HTT: variants seen among roughly 807,000 people sequenced by gnomAD.
The protein encoded by HTT is huntingtin.
HTT carries 104 observed loss-of-function variants against 362.3 expected under a neutral mutation model. The ratio of observed to expected loss-of-function variants is 0.29; its 90% CI spans 0.24 to 0.34. HTT has a LOEUF of 0.34. HTT is among the 10% of genes least tolerant of loss of function. The probability of loss-of-function intolerance (pLI) is 1.00; values close to 1 mark genes in which losing one functional copy is unlikely to be tolerated. For synonymous variants in HTT, 1,577 were observed against 1,548.7 expected (o/e 1.02, Z -0.43); for missense variants, 3,301 against 3,928.6 (o/e 0.84, Z 4.27).
chr4:3,223,733 A>G (rs763015237), intron 55 of HTT, among the ~76,000 whole-genome samples, 173 bp downstream of exon 55: 1 of 152,226 alleles, frequency 6.6e-6, no homozygotes, highest in Non-Finnish European at 1.5e-5. Context: ...CCTCCTGGTC[A>G]GTGAGAAGCT....
intron 3 of HTT, among the ~76,000 whole-genome samples, chr4:3,103,221 A>AAT (rs1553911624): frequency 9.2e-6 from 1 of 109,070 alleles, no homozygotes; most frequent in Non-Finnish European, 1.8e-5. Flanking sequence ...TATATATATA[A>AAT]TTTTTTTTTT....
In HTT at chr4:3,206,362, A is replaced by C; in HGVS notation, c.5719-134A>C. On this transcript the variant is annotated intron_variant, in intron 42 of 66. Transcript: ENST00000355072. The surrounding 1 kb of genome is among the most constrained non-coding windows in gnomAD (Gnocchi z 4.6). ...CCTCCTCAATTATTTGTGCTCATAC[A>C]CTGTATATTTTTAGTGAGGTTTATA... 1.5e-6 allele frequency: 1 copy of C among 684,016 alleles called. No homozygotes were observed. The highest frequency in any genetic ancestry group is 2.5e-6 in the Non-Finnish European group (1 of 401,776). The allele number at this position is 684,016 out of a possible 1,614,324, so 42.4% of individuals were successfully genotyped here.
chr4:3,213,883 A>C (rs1402116972), intron 49 of HTT, 75 bp from the exon 50 acceptor site: 2 of 1,376,304 alleles, frequency 1.5e-6, no homozygotes, highest in Non-Finnish European at 1.9e-6. Flanking sequence ...GGACGGTTCC[A>C]CAACTGTGAT....
chr4:3,205,505 A>T (rs1203051996), intron 42 of HTT, among the ~76,000 whole-genome samples: 1 of 152,178 alleles, frequency 6.6e-6, no homozygotes, highest in African/African-American at 2.4e-5. Context: ...ATAATTTATA[A>T]TGCTGTTTTT....
At chr4:3,185,088 A>G (rs1238374257) in intron 37 of HTT, among the ~76,000 whole-genome samples, 3 of 152,164 alleles carry the variant, frequency 2.0e-5, no homozygotes, top group African/African-American at 4.8e-5. Context: ...TCCTGAAAGG[A>G]CAGGAGAGAG....
At chr4:3,117,148 A>C (rs2051180496) in intron 8 of HTT, among the ~76,000 whole-genome samples, 1 of 152,202 alleles carries the variant, frequency 6.6e-6, no homozygotes, top group African/African-American at 2.4e-5. Context: ...GACTCTTAAG[A>C]AAGTATTGGG....
chr4:3,148,202 A>G lies in HTT; in HGVS notation c.3493A>G (p.Ile1165Val), dbSNP rs377592444. The part of the protein sequence containing the change: ...VLDDVAPGPA[I>V]KAALPSLTNP... Reference sequence around the variant, plus strand: ...GGATGACGTGGCTCCTGGACCCGCAATAAAGGTAATGTCCCACTTGGGTGC... The same window carrying G: ...GGATGACGTGGCTCCTGGACCCGCAGTAAAGGTAATGTCCCACTTGGGTGC... Residue 1165 changes from isoleucine (I) to valine (V), a missense_variant, in exon 26 of 67, where the codon ATA (isoleucine) becomes GTA (valine). Transcript: ENST00000355072. 7.0e-6 allele frequency: 11 copies of G among 1,567,846 alleles called. No individual in the cohort carries two copies. The Admixed American group carries it at 9.6e-5, about 14-fold the overall frequency.
intron 2 of HTT, among the ~76,000 whole-genome samples, chr4:3,090,522 C>T (rs1713444794): frequency 6.6e-6 from 1 of 152,142 alleles, no homozygotes; most frequent in African/African-American, 2.4e-5. Flanking sequence ...ATAGATCTCC[C>T]ATATATTAGC....
intron 2 of HTT, among the ~76,000 whole-genome samples, chr4:3,094,454 C>G (rs1379056417): frequency 1.3e-5 from 2 of 151,706 alleles, no homozygotes; most frequent in Admixed American, 6.6e-5. Flanking sequence ...GGGGTGGCGG[C>G]CGGGCAGAGG....
intron 10 of HTT, among the ~76,000 whole-genome samples, chr4:3,124,218 C>T (rs774490235): frequency 6.6e-6 from 1 of 152,186 alleles, no homozygotes; most frequent in Non-Finnish European, 1.5e-5. Flanking sequence ...GGACGTGTGA[C>T]TAAGTTACGC....
chr4:3,149,130 T>G (rs1453905901), intron 26 of HTT, among the ~76,000 whole-genome samples: 1 of 152,204 alleles, frequency 6.6e-6, no homozygotes, highest in Admixed American at 6.5e-5. Flanking sequence ...AAATCTTGGT[T>G]AATGGCTACT....
At chr4:3,121,493 A>G in intron 9 of HTT, 61 bp downstream of exon 9, 4 of 1,150,914 alleles carry the variant, frequency 3.5e-6, no homozygotes, top group African/African-American at 1.5e-5. Context: ...GTTACACTCT[A>G]TTGATTATGG....
chr4:3,129,833 G>T, intron 12 of HTT, 91 bp from the exon 13 acceptor site: 1 of 1,461,178 alleles, frequency 6.8e-7, no homozygotes, highest in South Asian at 1.1e-5. Flanking sequence ...TGTGTAAAAT[G>T]TGCTCTTTCC....
chr4:3,171,588 C>T (rs1717978341), intron 29 of HTT, among the ~76,000 whole-genome samples: 1 of 152,026 alleles, frequency 6.6e-6, no homozygotes, highest in South Asian at 2.1e-4. Context: ...AGCGATTCTC[C>T]TGCCTCAGCC....
intron 40 of HTT, 26 bp from the exon 41 acceptor site, chr4:3,199,706 A>T: frequency 6.2e-7 from 1 of 1,605,102 alleles, no homozygotes. Context: ...GAAAGCAAAG[A>T]CATTTCTCCT....
intron 29 of HTT, among the ~76,000 whole-genome samples, chr4:3,171,348 T>C (rs1004235434): frequency 1.3e-5 from 2 of 152,192 alleles, no homozygotes; most frequent in Non-Finnish European, 2.9e-5. Flanking sequence ...TTTTAGCAGC[T>C]GATGGAAACC....
At chr4:3,194,018 A>C (rs572787688) in intron 40 of HTT, among the ~76,000 whole-genome samples, 1 of 152,342 alleles carries the variant, frequency 6.6e-6, no homozygotes, top group Non-Finnish European at 1.5e-5. Context: ...TGGCAGAATT[A>C]CTGTATTTGA....
chr4:3,174,256 G>T (rs149888305), intron 31 of HTT, among the ~76,000 whole-genome samples: 80 of 152,148 alleles, frequency 5.3e-4, no homozygotes, highest in African/African-American at 1.3e-3. Context: ...AACCATTTGG[G>T]GTATTAATAA....
At position 3,140,660 on chromosome 4, in the gene HTT, T is replaced by G. The variant is rs777603443; in HGVS notation, c.2945+4T>G. 2 of 1,613,390 alleles carry G rather than the reference T, an allele frequency of 1.2e-6. No individual in the cohort carries two copies. The highest frequency in any genetic ancestry group is 1.7e-4 in the Middle Eastern group (1 of 6,056). ...TCTCCGTCAGCACAATAACCAGGTA[T>G]GCTGACCCAGTGGCATCTTCACATT... On this transcript the variant is annotated splice_donor_region_variant and intron_variant, in intron 22 of 66. Transcript: ENST00000355072.
Sources: gnomAD v4.1 joint callset for allele counts (sites outside exome capture counted in the v4.1 genomes callset) on GRCh38, gnomAD v4.1.1 for gene constraint, Gnocchi (gnomAD v3.1) non-coding constraint, MANE v1.5 for transcripts, NCBI Gene and HGNC (gene_info 2026-07-23, HGNC 2026-07-21) for gene names.